Variants in ATP2B2 observed in about 807,000 individuals in gnomAD.
ATP2B2 encodes the protein plasma membrane calcium-transporting ATPase 2.
ATP2B2 carries 15 observed loss-of-function variants against 120.0 expected under a neutral mutation model. The ratio of observed to expected loss-of-function variants is 0.12; its 90% CI spans 0.08 to 0.19. ATP2B2 has a LOEUF of 0.19. Ranked by LOEUF, ATP2B2 falls within the 10% of genes least tolerant of loss-of-function variation. The pLI is 1.00. For missense variants in ATP2B2, 1,045 were observed against 1,719.8 expected, an observed-to-expected ratio of 0.61 and a Z score of 6.94; for synonymous variants, 694 against 700.3, an observed-to-expected ratio of 0.99 and a Z score of 0.14.
chr3:10,333,356 C>A (rs1488776990), intron 22 of ATP2B2, among the ~76,000 whole-genome samples: 1 of 152,066 alleles, frequency 6.6e-6, no homozygotes, highest in Non-Finnish European at 1.5e-5. Flanking sequence ...AGTGGGGCGG[C>A]CCACTTCCTC....
intron 1 of ATP2B2, among the ~76,000 whole-genome samples, chr3:10,463,842 C>A (rs1261404215): frequency 6.6e-6 from 1 of 152,242 alleles, no homozygotes. Flanking sequence ...GTCCCTGAAA[C>A]CTGGAGGTCA....
chr3:10,651,864 T>C (rs560931367), intron 1 of ATP2B2, among the ~76,000 whole-genome samples: 1 of 152,196 alleles, frequency 6.6e-6, no homozygotes, highest in Non-Finnish European at 1.5e-5. Flanking sequence ...CATTGTGAGA[T>C]GCAGTTCTTT....
rs1439952814 is a variant in ATP2B2 at position 10,505,190 on chromosome 3, CCT to C, written c.-320+273_-320+274del. Among the ~76,000 whole-genome samples the C allele has an allele frequency of 3.9e-5, 6 of 152,224 alleles. 1 individual carries two copies. The highest frequency in any genetic ancestry group is 1.9e-4 in the East Asian group (1 of 5,152). On this transcript the variant is annotated intron_variant, in intron 1 of 22. Coordinates refer to ENST00000360273, the MANE Select transcript of ATP2B2 (RefSeq NM_001001331.4). ...TGGGCATCCGCTTGTCCGAGGCCCC[CCT>C]GTCCTAGTCCCCAGCATCCAGCCGT... is the stretch of plus-strand genomic sequence containing the variant.
At chr3:10,494,833 C>A (rs1315579224) in intron 1 of ATP2B2, among the ~76,000 whole-genome samples, 1 of 152,200 alleles carries the variant, frequency 6.6e-6, no homozygotes, top group African/African-American at 2.4e-5. Flanking sequence ...TATCTCGAAT[C>A]ATCTCCACAA....
chr3:10,576,911 T>A (rs367859428), intron 2 of ATP2B2, among the ~76,000 whole-genome samples: 8 of 151,712 alleles, frequency 5.3e-5, no homozygotes, highest in Non-Finnish European at 1.0e-4. Flanking sequence ...AAAATTAGCC[T>A]GGTATGGTGG....
At chr3:10,452,134 G>A (rs2064078679) in intron 1 of ATP2B2, among the ~76,000 whole-genome samples, 1 of 152,252 alleles carries the variant, frequency 6.6e-6, no homozygotes, top group Admixed American at 6.5e-5. Context: ...AGGTTCAGAG[G>A]GGTGAAGTCA....
intron 2 of ATP2B2, among the ~76,000 whole-genome samples, chr3:10,598,158 G>T (rs1461498617): frequency 6.6e-6 from 1 of 152,184 alleles, no homozygotes; most frequent in East Asian, 1.9e-4. Flanking sequence ...ATTCCAGAAA[G>T]GCCTCACAAA....
chr3:10,607,628 T>A (rs1397517274), intron 2 of ATP2B2, among the ~76,000 whole-genome samples: 1 of 152,114 alleles, frequency 6.6e-6, no homozygotes, highest in African/African-American at 2.4e-5. Flanking sequence ...ACCTGAAAAA[T>A]CTATCCACAC....
chr3:10,462,729 CT>C (rs1215247433), intron 1 of ATP2B2, among the ~76,000 whole-genome samples: 1 of 152,208 alleles, frequency 6.6e-6, no homozygotes, highest in Non-Finnish European at 1.5e-5. Flanking sequence ...ATTATGCTGC[CT>C]TTTGGATTTG....
intron 3 of ATP2B2, among the ~76,000 whole-genome samples, chr3:10,515,614 C>T (rs569394505): frequency 6.6e-6 from 1 of 152,230 alleles, no homozygotes; most frequent in African/African-American, 2.4e-5. Flanking sequence ...CCCAGAACTA[C>T]CCGGGCTAGA....
At chr3:10,348,883 G>A (rs2060500406) in intron 16 of ATP2B2, among the ~76,000 whole-genome samples, 1 of 152,250 alleles carries the variant, frequency 6.6e-6, no homozygotes, top group Non-Finnish European at 1.5e-5. Context: ...CAGTTATGGA[G>A]AGAATGAGTG....
intron 2 of ATP2B2, among the ~76,000 whole-genome samples, chr3:10,559,938 T>C (rs982687065): frequency 1.3e-5 from 2 of 152,180 alleles, no homozygotes; most frequent in Admixed American, 6.5e-5. Context: ...CTGAGTGATA[T>C]GGTTTCTGTT....
At position 10,456,424 on chromosome 3, in the gene ATP2B2, A is replaced by G. The variant is rs149126641; in HGVS notation, c.-319-6562T>C. 2.1e-3 allele frequency among the ~76,000 whole-genome samples: 320 copies of G among 152,230 alleles called. 2 individuals carry two copies. Among genetic ancestry groups the G allele is most frequent in the African/African-American group, 7.4e-3 (306 of 41,540 alleles). On this transcript the variant is annotated intron_variant, in intron 1 of 22. Coordinates refer to ENST00000360273, the MANE Select transcript of ATP2B2 (RefSeq NM_001001331.4). ...AGCCTAGCTCTGCCAGTCACTAGTT[A>G]TGTGACTTGGGCAGGGCTCTTAATC...
chr3:10,480,728 C>T (rs761463426), intron 1 of ATP2B2, among the ~76,000 whole-genome samples: 9 of 152,198 alleles, frequency 5.9e-5, no homozygotes, highest in African/African-American at 1.7e-4. Flanking sequence ...CATCAGTGCC[C>T]GCAAGGCCTA....
intron 1 of ATP2B2, among the ~76,000 whole-genome samples, chr3:10,683,758 G>GTGTATATA (rs2071441586): frequency 3.0e-5 from 1 of 33,636 alleles, no homozygotes; most frequent in Non-Finnish European, 6.0e-5. Context: ...ATGTGTGTGT[G>GTGTATATA]TGTATATATA....
rs932728451 is a variant in ATP2B2, at chr3:10,342,410, G to A, written c.2917+342C>T. Among the ~76,000 whole-genome samples, 8 of 152,182 alleles carry A rather than the reference G, an allele frequency of 5.3e-5. No homozygotes were observed. The highest frequency in any genetic ancestry group is 1.9e-4 in the African/African-American group (8 of 41,436). On this transcript the variant is annotated intron_variant, in intron 19 of 22. Coordinates refer to ENST00000360273, the MANE Select transcript of ATP2B2 (RefSeq NM_001001331.4). The surrounding 1 kb of genome is among the most constrained non-coding windows in gnomAD (Gnocchi z 4.4). Reference sequence around the variant, plus strand: ...AAGGTGCTGGAATGGGTCAGAGAAGGGGTGAGTCACTCCCCTCCCAGCCTC... The same window carrying A: ...AAGGTGCTGGAATGGGTCAGAGAAGAGGTGAGTCACTCCCCTCCCAGCCTC...
At chr3:10,546,882 T>C (rs1246372872) in intron 2 of ATP2B2, among the ~76,000 whole-genome samples, 1 of 152,184 alleles carries the variant, frequency 6.6e-6, no homozygotes, top group Non-Finnish European at 1.5e-5. Context: ...AGATTAATGC[T>C]GTCCCATCCT....
At chr3:10,379,479 G>A (rs528158301) in intron 8 of ATP2B2, among the ~76,000 whole-genome samples, 195 bp from the exon 9 acceptor site, 1 of 152,346 alleles carries the variant, frequency 6.6e-6, no homozygotes, top group Admixed American at 6.5e-5. Flanking sequence ...TAGCTGTGGG[G>A]CCTGCCAGCC....
chr3:10,441,396 C>T (rs2063661304), intron 2 of ATP2B2, among the ~76,000 whole-genome samples: 1 of 152,194 alleles, frequency 6.6e-6, no homozygotes. Flanking sequence ...TGCGCCATCA[C>T]ACCCAGCTCA....
Sources: allele counts gnomAD v4.1 joint callset (sites outside exome capture counted in the v4.1 genomes callset), GRCh38; gene constraint gnomAD v4.1.1; non-coding constraint Gnocchi (gnomAD v3.1); transcripts MANE v1.5; gene names NCBI Gene and HGNC (gene_info 2026-07-23, HGNC 2026-07-21).